The following MTRES1 variants were observed in gnomAD, a reference collection of about 807,000 sequenced individuals.
MTRES1 encodes the protein uncharacterized protein C6orf203.
A neutral mutation model predicts 17.4 loss-of-function variants in MTRES1; 11 were observed. The observed-to-expected ratio is 0.63, with a 90% CI of 0.40 to 1.05. The LOEUF is 1.05. Ranked by LOEUF, MTRES1 falls within the 50% of genes least tolerant of loss-of-function variation. MTRES1 has a pLI of 0.00. For missense variants in MTRES1, 268 were observed against 276.2 expected (o/e 0.97, Z 0.21); for synonymous variants, 94 against 99.6 (o/e 0.94, Z 0.34).
intron 1 of MTRES1, among the ~76,000 whole-genome samples, chr6:107,031,450 CT>C (rs1424194800): frequency 4.8e-4 from 8 of 16,756 alleles, no homozygotes; most frequent in Admixed American, 1.1e-3. Context: ...GGAGTCTTTT[CT>C]TTTTTTTTTT....
intron 3 of MTRES1, among the ~76,000 whole-genome samples, chr6:107,048,936 A>G (rs1016352777): frequency 2.6e-5 from 4 of 151,534 alleles, no homozygotes; most frequent in African/African-American, 9.7e-5. Context: ...TCTGCTTCTC[A>G]GCCCACAGGA....
intron 1 of MTRES1, among the ~76,000 whole-genome samples, chr6:107,036,129 A>T (rs1773999510): frequency 6.6e-6 from 1 of 152,156 alleles, no homozygotes; most frequent in East Asian, 1.9e-4. Context: ...CAAATATACT[A>T]CTGTTGGCAA....
At chr6:107,047,257 C>T (rs142712673) in intron 3 of MTRES1, among the ~76,000 whole-genome samples, 500 of 151,544 alleles carry the variant, frequency 3.3e-3, no homozygotes, top group Non-Finnish European at 4.8e-3. Flanking sequence ...GTGTCTTGCT[C>T]GGTTACCCAG....
Position 107,039,807 on chromosome 6 carries a change from C to T in MTRES1, c.47C>T (p.Pro16Leu). ...VKLLAGVLRK[P>L]DAWIGLWGVL... ...TTGCTTGCCGGTGTTTTAAGAAAGC[C>T]AGATGCCTGGATTGGACTCTGGGGT... The change falls in exon 2 of 4, where the codon CCA becomes CTA. Residue 16 changes from proline to leucine, a missense_variant. Physicochemically the swap from Pro to Leu is moderately conservative, Grantham distance 98 (BLOSUM62 -3). Coordinates refer to ENST00000311381, the MANE Select transcript of MTRES1 (RefSeq NM_016487.5). The T allele has an allele frequency of 6.2e-7, 1 of 1,612,166 alleles. No homozygotes were observed. The highest frequency in any genetic ancestry group is 8.5e-7 in the Non-Finnish European group (1 of 1,179,594).
chr6:107,043,347 A>C (rs1774283749), intron 2 of MTRES1, among the ~76,000 whole-genome samples: 1 of 152,014 alleles, frequency 6.6e-6, no homozygotes, highest in Non-Finnish European at 1.5e-5. Flanking sequence ...AAAAAAAAAA[A>C]AGTAATGGCA....
At chr6:107,031,417 GGAGAA>G (rs1244782407) in intron 1 of MTRES1, among the ~76,000 whole-genome samples, 1 of 140,326 alleles carries the variant, frequency 7.1e-6, no homozygotes, top group Non-Finnish European at 1.5e-5. Flanking sequence ...AAAGAAAAAA[GGAGAA>G]GAGAAGGAGG....
chr6:107,043,558 A>G (rs1774290915), intron 2 of MTRES1, among the ~76,000 whole-genome samples: 1 of 150,976 alleles, frequency 6.6e-6, no homozygotes, highest in Non-Finnish European at 1.5e-5. Context: ...GTTACAATAA[A>G]GTAAGCTAGA....
chr6:107,046,719 T>G (rs1554228411), intron 3 of MTRES1, among the ~76,000 whole-genome samples: 1 of 152,140 alleles, frequency 6.6e-6, no homozygotes, highest in Non-Finnish European at 1.5e-5. Flanking sequence ...ACCCTGGCTG[T>G]CTGCGATTCA....
rs1442863132 is a variant in MTRES1, at chr6:107,034,424, T to C, written c.-12-5325T>C. Among the ~76,000 whole-genome samples, 17 of 151,160 alleles carry C rather than the reference T, an allele frequency of 1.1e-4. No individual in the cohort carries two copies. In the Admixed American group the frequency reaches 1.1e-3, roughly 10 times the overall value. On this transcript the variant is annotated intron_variant, in intron 1 of 3. Transcript: ENST00000311381. ...CTACCCCTGAAAACTATCTGTTCTCTCTGGTATTGCACTGGTTGGTGAGTT... is the reference window on the plus strand; with the variant it reads ...CTACCCCTGAAAACTATCTGTTCTCCCTGGTATTGCACTGGTTGGTGAGTT...
At chr6:107,041,062 T>TAA in intron 2 of MTRES1, among the ~76,000 whole-genome samples, 1 of 149,698 alleles carries the variant, frequency 6.7e-6, no homozygotes, top group African/African-American at 2.5e-5. Context: ...CCGTCTCTAC[T>TAA]AAAAATACAA....
intron 1 of MTRES1, among the ~76,000 whole-genome samples, chr6:107,034,137 G>A (rs1473771607): frequency 1.3e-5 from 2 of 152,160 alleles, no homozygotes; most frequent in Non-Finnish European, 2.9e-5. Context: ...TTTCTGCAAG[G>A]AAAGGTTTCC....
At chr6:107,046,394 G>T (rs1257929274) in intron 3 of MTRES1, among the ~76,000 whole-genome samples, 1 of 121,392 alleles carries the variant, frequency 8.2e-6, no homozygotes, top group Non-Finnish European at 1.6e-5. Flanking sequence ...GCTTCATTCT[G>T]CCTTGGGTGT....
chr6:107,051,472 G>A lies in MTRES1; in HGVS notation c.*236G>A. 1 of 444,286 alleles carries A rather than the reference G, an allele frequency of 2.3e-6. No individual in the cohort carries two copies. The highest frequency in any genetic ancestry group is 4.0e-6 in the Non-Finnish European group (1 of 247,060). 27.5% of individuals were successfully genotyped at this position (444,286 alleles called of 1,614,324 possible). On this transcript the variant is annotated 3_prime_UTR_variant, in exon 4 of 4. Transcript: ENST00000311381. ...TCCTCGTGTGAGAACCCCTTTGCCA[G>A]AGTGAGACGTGTGCAGAATGAACTA... is the stretch of plus-strand genomic sequence containing the variant.
At chr6:107,044,465 A>C in intron 3 of MTRES1, 133 bp downstream of exon 3, 3 of 689,746 alleles carry the variant, frequency 4.3e-6, no homozygotes, top group Non-Finnish European at 5.2e-6. Flanking sequence ...CTCCACGTCA[A>C]GCTGGTGGGA....
At chr6:107,041,668 G>A (rs959599063) in intron 2 of MTRES1, among the ~76,000 whole-genome samples, 11 of 152,030 alleles carry the variant, frequency 7.2e-5, no homozygotes, top group African/African-American at 2.4e-4. Context: ...TGGGAATACA[G>A]GCGCCCACCA....
chr6:107,030,503 C>T (rs141063720), intron 1 of MTRES1, among the ~76,000 whole-genome samples: 190 of 152,248 alleles, frequency 1.2e-3, no homozygotes, highest in Middle Eastern at 3.4e-3. Context: ...GGAGGAAACC[C>T]GGTGCAGTCT....
intron 1 of MTRES1, among the ~76,000 whole-genome samples, chr6:107,037,749 C>T (rs1774059631): frequency 6.6e-6 from 1 of 152,016 alleles, no homozygotes; most frequent in African/African-American, 2.4e-5. Context: ...GACAGAGTCT[C>T]ACTCTATCGC....
chr6:107,033,594 A>G (rs572108002), intron 1 of MTRES1, among the ~76,000 whole-genome samples: 4 of 152,024 alleles, frequency 2.6e-5, no homozygotes, highest in Non-Finnish European at 5.9e-5. Flanking sequence ...TGAGCTGGGC[A>G]GATCACGAGG....
intron 1 of MTRES1, among the ~76,000 whole-genome samples, chr6:107,031,390 A>AG (rs1264193365): frequency 6.7e-6 from 1 of 149,688 alleles, no homozygotes; most frequent in Non-Finnish European, 1.5e-5. Context: ...TGTCTCAAAA[A>AG]AAAAAAAAAG....
Sources: allele counts gnomAD v4.1 joint callset (sites outside exome capture counted in the v4.1 genomes callset), GRCh38; gene constraint gnomAD v4.1.1; transcripts MANE v1.5; gene names NCBI Gene and HGNC (gene_info 2026-07-23, HGNC 2026-07-21).